KLHL1: variants seen among roughly 807,000 people sequenced by gnomAD.
KLHL1 encodes the protein kelch-like protein 1.
KLHL1 carries 47 observed loss-of-function variants against 77.7 expected under a neutral mutation model. That is an observed-to-expected ratio of 0.60 (90% CI 0.48 to 0.77). KLHL1 has a LOEUF of 0.77. KLHL1 is among the 30% of genes least tolerant of loss of function. The pLI is 0.00. For synonymous variants in KLHL1, 360 were observed against 325.2 expected, an observed-to-expected ratio of 1.11 and a Z score of -1.15; for missense variants, 925 against 910.8, an observed-to-expected ratio of 1.02 and a Z score of -0.20.
intron 2 of KLHL1, among the ~76,000 whole-genome samples, chr13:69,972,866 T>C (rs1884430508): frequency 6.6e-6 from 1 of 151,948 alleles, no homozygotes; most frequent in Non-Finnish European, 1.5e-5. Flanking sequence ...AATTTTAATA[T>C]TGATCTGTCA....
At chr13:69,959,654 G>GT (rs1014572277) in intron 3 of KLHL1, among the ~76,000 whole-genome samples, 1 of 115,722 alleles carries the variant, frequency 8.6e-6, no homozygotes, top group African/African-American at 3.0e-5. Context: ...TTTACAACCC[G>GT]TAACTTTTTT....
At chr13:69,785,073 T>A (rs1250982530) in intron 7 of KLHL1, among the ~76,000 whole-genome samples, 2 of 151,268 alleles carry the variant, frequency 1.3e-5, no homozygotes, top group African/African-American at 4.9e-5. Context: ...TTTGTATTTT[T>A]AGTAGAGACG....
At chr13:69,944,978 CTTTTTTTTTTT>C (rs750774784) in intron 3 of KLHL1, among the ~76,000 whole-genome samples, 6 of 79,860 alleles carry the variant, frequency 7.5e-5, no homozygotes, top group East Asian at 7.6e-4. Flanking sequence ...TATAAAACTT[CTTTTTTTTTTT>C]TTTTTTTTTT....
intron 7 of KLHL1, among the ~76,000 whole-genome samples, chr13:69,789,216 C>G (rs982464892): frequency 6.6e-6 from 1 of 152,036 alleles, no homozygotes; most frequent in African/African-American, 2.4e-5. Flanking sequence ...ATCAATTTCA[C>G]TCAGACATTG....
At chr13:69,962,778 C>T (rs996964314) in intron 2 of KLHL1, among the ~76,000 whole-genome samples, 1 of 92,022 alleles carries the variant, frequency 1.1e-5, no homozygotes, top group South Asian at 3.8e-4. Flanking sequence ...TTAATCAAGG[C>T]TATAGTAGCC....
intron 7 of KLHL1, among the ~76,000 whole-genome samples, chr13:69,789,468 G>GAAAT (rs1269713879): frequency 1.3e-5 from 2 of 152,034 alleles, no homozygotes; most frequent in Non-Finnish European, 2.9e-5. Flanking sequence ...AACGTGATGT[G>GAAAT]AAATAGGGAA....
chr13:70,100,342 A>C (rs189379618), intron 1 of KLHL1, among the ~76,000 whole-genome samples: 1 of 152,262 alleles, frequency 6.6e-6, no homozygotes, highest in East Asian at 1.9e-4. Context: ...ATATATAGAA[A>C]TACAATTGAA....
intron 1 of KLHL1, among the ~76,000 whole-genome samples, chr13:70,046,583 G>C (rs2137386017): frequency 6.6e-6 from 1 of 152,312 alleles, no homozygotes. Context: ...CGCCTCCCAG[G>C]CTCAAGCGAT....
At chr13:69,850,188 C>A (rs1355663374) in intron 5 of KLHL1, among the ~76,000 whole-genome samples, 1 of 151,448 alleles carries the variant, frequency 6.6e-6, no homozygotes, top group African/African-American at 2.4e-5. Flanking sequence ...ATATTTAAAT[C>A]TGAACTTATT....
At chr13:69,816,242 T>C (rs909708186) in intron 6 of KLHL1, among the ~76,000 whole-genome samples, 2 of 151,692 alleles carry the variant, frequency 1.3e-5, no homozygotes, top group Non-Finnish European at 2.9e-5. Context: ...ATAGTAAATT[T>C]AGAGAATGGA....
intron 1 of KLHL1, among the ~76,000 whole-genome samples, chr13:70,064,785 G>A (rs1886969554): frequency 6.6e-6 from 1 of 152,162 alleles, no homozygotes; most frequent in African/African-American, 2.4e-5. Context: ...AAGGACTAAA[G>A]CAGGGTGAGA....
intron 8 of KLHL1, among the ~76,000 whole-genome samples, chr13:69,720,701 A>G (rs1873008331): frequency 6.6e-6 from 1 of 151,700 alleles, no homozygotes; most frequent in Admixed American, 6.6e-5. Flanking sequence ...TAGTGATTGG[A>G]GGTGAGTTCA....
At chr13:70,106,734 C>G (rs148699449) in intron 1 of KLHL1, among the ~76,000 whole-genome samples, 1 of 152,112 alleles carries the variant, frequency 6.6e-6, no homozygotes, top group Non-Finnish European at 1.5e-5. Context: ...CTCATTTTGT[C>G]CACCTCATTA....
At chr13:69,980,122 A>T (rs139245438) in intron 1 of KLHL1, among the ~76,000 whole-genome samples, 105 of 152,308 alleles carry the variant, frequency 6.9e-4, no homozygotes, top group Non-Finnish European at 1.2e-3. Context: ...TTCAGGACTC[A>T]ATATTCTTTA....
At chr13:69,870,210 G>C (rs901754183) in intron 5 of KLHL1, among the ~76,000 whole-genome samples, 2 of 152,102 alleles carry the variant, frequency 1.3e-5, no homozygotes, top group African/African-American at 4.8e-5. Flanking sequence ...GCTGCCACTC[G>C]TAGTGGAAGT....
chr13:69,835,146 A>G (rs182757616), intron 6 of KLHL1, among the ~76,000 whole-genome samples: 25 of 152,274 alleles, frequency 1.6e-4, no homozygotes, highest in Admixed American at 1.4e-3. Context: ...AAATACCTAC[A>G]TTTCAAAAAT....
intron 8 of KLHL1, among the ~76,000 whole-genome samples, chr13:69,723,992 C>T (rs917105612): frequency 5.3e-5 from 8 of 152,076 alleles, no homozygotes; most frequent in African/African-American, 1.9e-4. Context: ...TGCCCACCAC[C>T]ACGCCTGGAT....
At chr13:69,733,030 T>C (rs1163280538) in intron 8 of KLHL1, among the ~76,000 whole-genome samples, 8 of 152,150 alleles carry the variant, frequency 5.3e-5, no homozygotes, top group Non-Finnish European at 1.0e-4. Flanking sequence ...TATAGTGTTA[T>C]TTTGTTGATT....
At chr13:69,939,616 T>C (rs1241194547) in intron 4 of KLHL1, among the ~76,000 whole-genome samples, 5 of 151,890 alleles carry the variant, frequency 3.3e-5, no homozygotes, top group East Asian at 3.9e-4. Context: ...TATCTATCAA[T>C]ATGTATATCT....
Sources: gnomAD v4.1 joint callset for allele counts (sites outside exome capture counted in the v4.1 genomes callset) on GRCh38, gnomAD v4.1.1 for gene constraint, MANE v1.5 for transcripts, NCBI Gene and HGNC (gene_info 2026-07-23, HGNC 2026-07-21) for gene names.